SLC7A7: variants seen among roughly 807,000 people sequenced by gnomAD.
SLC7A7 encodes the protein solute carrier family 7 member 7.
SLC7A7 carries 39 observed loss-of-function variants against 47.9 expected under a neutral mutation model. The observed-to-expected ratio is 0.81, with a 90% CI of 0.63 to 1.06. The LOEUF is 1.06. SLC7A7 is among the 50% of genes least tolerant of loss of function. SLC7A7 has a pLI of 0.00. For missense variants in SLC7A7, 588 were observed against 632.0 expected (o/e 0.93, Z 0.75); for synonymous variants, 234 against 242.8 (o/e 0.96, Z 0.34).
At chr14:22,773,797 AG>A (rs1218875909) in intron 9 of SLC7A7, 81 bp from the exon 10 acceptor site, 2 of 1,530,234 alleles carry the variant, frequency 1.3e-6, no homozygotes, top group Non-Finnish European at 1.8e-6. Context: ...ACTCAGTGTG[AG>A]GGGAGTGATT....
At chr14:22,798,481 A>G (rs2039055857) in intron 2 of SLC7A7, among the ~76,000 whole-genome samples, 1 of 152,188 alleles carries the variant, frequency 6.6e-6, no homozygotes, top group South Asian at 2.1e-4. Context: ...AAGAAAAAGA[A>G]GTCTGACTCA....
At chr14:22,789,845 G>A (rs2038893727) in intron 2 of SLC7A7, among the ~76,000 whole-genome samples, 1 of 152,074 alleles carries the variant, frequency 6.6e-6, no homozygotes, top group Non-Finnish European at 1.5e-5. Context: ...AAGGGTCCAT[G>A]AGACTCTAGA....
chr14:22,801,863 CA>C (rs1429608124), intron 2 of SLC7A7, among the ~76,000 whole-genome samples: 1 of 152,218 alleles, frequency 6.6e-6, no homozygotes, highest in East Asian at 1.9e-4. Flanking sequence ...CACACCCACG[CA>C]CACACATAAA....
chr14:22,783,690 C>T (rs1214453458), intron 2 of SLC7A7, among the ~76,000 whole-genome samples: 5 of 151,840 alleles, frequency 3.3e-5, no homozygotes, highest in East Asian at 1.9e-4. Context: ...TGTGAGTCAC[C>T]GGCGTGGCGT....
upstream of SLC7A7, chr14:22,815,912 G>A (rs2039401473): frequency 5.7e-6 from 2 of 350,596 alleles, no homozygotes; most frequent in South Asian, 4.3e-5. Context: ...GGAAGTGTAA[G>A]AGCAGTCTCT....
intron 2 of SLC7A7, among the ~76,000 whole-genome samples, chr14:22,789,640 A>G (rs1012206446): frequency 6.6e-6 from 1 of 151,986 alleles, no homozygotes; most frequent in African/African-American, 2.4e-5. Context: ...AAAAAAAAAA[A>G]AAAAAGAAAA....
intron 6 of SLC7A7, 110 bp downstream of exon 6, chr14:22,775,723 G>T: frequency 1.1e-6 from 1 of 945,488 alleles, no homozygotes; most frequent in Non-Finnish European, 1.7e-6. Context: ...AGAAGAAAGA[G>T]GTTGTGGTAT....
At chr14:22,777,117 C>T (rs1229774717) in intron 4 of SLC7A7, among the ~76,000 whole-genome samples, 1 of 145,114 alleles carries the variant, frequency 6.9e-6, no homozygotes, top group African/African-American at 2.6e-5. Flanking sequence ...GCACTCCAGC[C>T]TGGGCAAGGC....
intron 2 of SLC7A7, among the ~76,000 whole-genome samples, chr14:22,783,323 G>A (rs2038753612): frequency 6.6e-6 from 1 of 151,984 alleles, no homozygotes; most frequent in Non-Finnish European, 1.5e-5. Flanking sequence ...TCAGCTATCT[G>A]AGGAGTAACT....
upstream of SLC7A7, among the ~76,000 whole-genome samples, chr14:22,817,661 G>A (rs1481488288): frequency 1.3e-5 from 2 of 152,172 alleles, no homozygotes; most frequent in Non-Finnish European, 2.9e-5. Context: ...ATTTCTAGTA[G>A]AGACGAGGTT....
chr14:22,800,536 G>A (rs879732509), intron 2 of SLC7A7, among the ~76,000 whole-genome samples: 23 of 152,190 alleles, frequency 1.5e-4, no homozygotes, highest in Non-Finnish European at 2.4e-4. Context: ...CATTCTGGAC[G>A]CTTTCAGCTG....
At position 22,775,814 on chromosome 14, in the gene SLC7A7, C is replaced by T; in HGVS notation, c.998+19G>A. The stretch of plus-strand genomic sequence containing the variant: ...TAGCCCTTTGATGATACACCCCTCA[C>T]AAAAGTTGCCACTCTTACCTAGAAG... On this transcript the variant is annotated intron_variant, in intron 6 of 9. Coordinates refer to ENST00000674313, the MANE Select transcript of SLC7A7 (RefSeq NM_003982.4). 6.3e-7 allele frequency: 1 copy of T among 1,584,014 alleles called. No individual in the cohort carries two copies. The highest frequency in any genetic ancestry group is 1.1e-5 in the South Asian group (1 of 90,470).
chr14:22,791,838 T>TG (rs2038927948), intron 2 of SLC7A7, among the ~76,000 whole-genome samples: 2 of 43,872 alleles, frequency 4.6e-5, no homozygotes, highest in Non-Finnish European at 1.4e-4. Flanking sequence ...CACCTTTTTT[T>TG]TTTTTTTTTT....
chr14:22,797,852 C>T (rs1172179689), intron 2 of SLC7A7, among the ~76,000 whole-genome samples: 2 of 152,188 alleles, frequency 1.3e-5, no homozygotes, highest in Admixed American at 6.5e-5. Flanking sequence ...TAAAGGTAGA[C>T]TATGCCTGCC....
rs564605956 is a variant in SLC7A7 at position 22,787,811 on chromosome 14, C to T, written c.500-7760G>A. ...ATGTTAGGCCGGGCACGGTGGCTCACGCCTGTAATCCCAGCACTTTGGGAG... is the reference window on the plus strand; with the variant it reads ...ATGTTAGGCCGGGCACGGTGGCTCATGCCTGTAATCCCAGCACTTTGGGAG... On this transcript the variant is annotated intron_variant, in intron 2 of 9. Coordinates refer to ENST00000674313, the MANE Select transcript of SLC7A7 (RefSeq NM_003982.4). 4.0e-5 allele frequency among the ~76,000 whole-genome samples: 6 copies of T among 151,822 alleles called. No individual in the cohort carries two copies. In the East Asian group the frequency reaches 5.8e-4, roughly 15 times the overall value.
upstream of SLC7A7, chr14:22,819,754 ACT>A (rs2039450806): frequency 6.6e-6 from 1 of 152,362 alleles, no homozygotes; most frequent in Admixed American, 6.6e-5. Context: ...ACAGCTGTTG[ACT>A]CTGAGGAGCA....
intron 5 of SLC7A7, 100 bp downstream of exon 5, chr14:22,776,095 T>C: frequency 1.3e-6 from 2 of 1,559,436 alleles, no homozygotes; most frequent in Non-Finnish European, 1.8e-6. Context: ...AATGAACTCC[T>C]TTCAAGGCTG....
At chr14:22,786,020 T>TA (rs2038809271) in intron 2 of SLC7A7, among the ~76,000 whole-genome samples, 1 of 94,168 alleles carries the variant, frequency 1.1e-5, no homozygotes, top group African/African-American at 4.4e-5. Flanking sequence ...AGACTCTGTC[T>TA]CAAAAAAAAA....
At position 22,813,425 on chromosome 14, in the gene SLC7A7, G is replaced by A. The variant is rs758026138; in HGVS notation, c.-27C>T. 40 of 1,605,952 alleles carry A rather than the reference G, an allele frequency of 2.5e-5. No homozygotes were observed. The highest frequency in any genetic ancestry group is 3.2e-5 in the Non-Finnish European group (38 of 1,179,940). On this transcript the variant is annotated 5_prime_UTR_variant, in exon 2 of 10. Coordinates refer to ENST00000674313, the MANE Select transcript of SLC7A7 (RefSeq NM_003982.4). ...GTGGAGGAGAGGAAACCCTTCACCA[G>A]CTTCCTGGCATTGCCCTTTAAGGAA...
Sources: allele counts gnomAD v4.1 joint callset (sites outside exome capture counted in the v4.1 genomes callset), GRCh38; gene constraint gnomAD v4.1.1; transcripts MANE v1.5; gene names NCBI Gene and HGNC (gene_info 2026-07-23, HGNC 2026-07-21).